The following PRDM16 variants were observed in gnomAD, a reference collection of about 807,000 sequenced individuals.
PRDM16 encodes the protein histone-lysine N-methyltransferase PRDM16.
Under a neutral mutation model 110.6 loss-of-function variants are expected in PRDM16, and 23 were observed. That is an observed-to-expected ratio of 0.21 (90% CI 0.15 to 0.29). The LOEUF is 0.29. Ranked by LOEUF, PRDM16 falls within the 10% of genes least tolerant of loss-of-function variation. The pLI, the probability that PRDM16 is intolerant of heterozygous loss-of-function variation, is 1.00. For missense variants in PRDM16, 1,615 were observed against 1,794.3 expected (o/e 0.90, Z 1.81); for synonymous variants, 799 against 781.8 (o/e 1.02, Z -0.37).
chr1:3,421,237 G>A (rs536447434), intron 12 of PRDM16, among the ~76,000 whole-genome samples: 88 of 152,208 alleles, frequency 5.8e-4, no homozygotes, highest in Non-Finnish European at 1.0e-3. Flanking sequence ...GAAGGATGCC[G>A]CTGCCCAGTG....
At chr1:3,292,994 G>A (rs1038141561) in intron 3 of PRDM16, among the ~76,000 whole-genome samples, 4 of 152,248 alleles carry the variant, frequency 2.6e-5, no homozygotes, top group Non-Finnish European at 5.9e-5. Context: ...GGACTCTTGA[G>A]GAGCCTCAGT....
intron 3 of PRDM16, among the ~76,000 whole-genome samples, chr1:3,269,765 G>T: frequency 6.6e-6 from 1 of 151,396 alleles, no homozygotes; most frequent in African/African-American, 2.4e-5. Context: ...AGTCCTGGAG[G>T]AGGACAGTCC....
rs141374404 is a variant in PRDM16 at position 3,402,977 on chromosome 1, G to A, written c.863G>A (p.Arg288Gln). Residue 288 changes from arginine (R) to glutamine (Q), a missense_variant, in exon 6 of 17, where the codon CGG (arginine) becomes CAG (glutamine). Transcript: ENST00000270722. ...GCCCACGAGTGCAAGGACTGCGAGC[G>A]GATGTTCCCCAACAAGTACAGGTGC... ...GQAHECKDCE[R>Q]MFPNKYSLEQ... 31 of 1,609,472 alleles carry A rather than the reference G, an allele frequency of 1.9e-5. No homozygotes were observed. The highest frequency in any genetic ancestry group is 1.7e-4 in the Middle Eastern group (1 of 5,784).
intron 3 of PRDM16, among the ~76,000 whole-genome samples, chr1:3,257,100 GCAAA>G (rs1411477344): frequency 6.6e-6 from 1 of 152,220 alleles, no homozygotes; most frequent in Non-Finnish European, 1.5e-5. Flanking sequence ...CTGGCCTGCA[GCAAA>G]CACTCAGTAA....
intron 3 of PRDM16, among the ~76,000 whole-genome samples, chr1:3,373,793 C>G (rs1338653056): frequency 2.6e-5 from 4 of 152,244 alleles, no homozygotes; most frequent in Non-Finnish European, 1.5e-5. Context: ...AGGAGCCCAG[C>G]CAACGCGTGC....
intron 3 of PRDM16, among the ~76,000 whole-genome samples, chr1:3,295,660 C>G (rs774257136): frequency 1.2e-3 from 178 of 152,234 alleles, no homozygotes; most frequent in Non-Finnish European, 4.8e-4. Context: ...GCTCTGAGGC[C>G]TGCACACCAC....
intron 1 of PRDM16, among the ~76,000 whole-genome samples, chr1:3,181,218 GCA>G (rs1189647263): frequency 7.1e-4 from 36 of 50,360 alleles, no homozygotes; most frequent in Admixed American, 1.1e-3. Context: ...TCTTACACAC[GCA>G]GTCTTACACA....
At chr1:3,250,436 C>A (rs72632116) in intron 3 of PRDM16, among the ~76,000 whole-genome samples, 2,622 of 152,174 alleles carry the variant, frequency 0.017, 34 homozygotes, top group Non-Finnish European at 0.026. Flanking sequence ...GGCTGGGTGA[C>A]AACTTTATCA....
chr1:3,118,395 T>C (rs560667048), intron 1 of PRDM16, among the ~76,000 whole-genome samples: 69 of 152,226 alleles, frequency 4.5e-4, no homozygotes, highest in African/African-American at 1.6e-3. Context: ...GTGACAGCCA[T>C]GGAGAGGGGC....
Position 3,438,270 on chromosome 1 carries a change from A to T in PRDM16, c.*4459A>T. The T allele has an allele frequency of 5.0e-6, 1 of 201,162 alleles. No homozygotes were observed. The allele number at this position is 201,162 out of a possible 1,614,324, so 12.5% of individuals were successfully genotyped here. ...TTTTATTAAAAGGAAAATTCTGTAG[A>T]TGCACTTATTGAATATGTGATTAGG... On this transcript the variant is annotated 3_prime_UTR_variant, in exon 17 of 17. Transcript: ENST00000270722.
intron 3 of PRDM16, among the ~76,000 whole-genome samples, chr1:3,357,951 A>G (rs1165228888): frequency 6.6e-6 from 1 of 152,172 alleles, no homozygotes; most frequent in Non-Finnish European, 1.5e-5. Context: ...GAAAGCACTG[A>G]CCCACACTGA....
At chr1:3,102,850 A>C (rs1642563668) in intron 1 of PRDM16, among the ~76,000 whole-genome samples, 1 of 152,200 alleles carries the variant, frequency 6.6e-6, no homozygotes, top group South Asian at 2.1e-4. Flanking sequence ...CCTGCTCCAG[A>C]GCAGATGCTC....
At chr1:3,104,824 C>T (rs929285445) in intron 1 of PRDM16, among the ~76,000 whole-genome samples, 3 of 152,154 alleles carry the variant, frequency 2.0e-5, no homozygotes, top group African/African-American at 7.2e-5. Flanking sequence ...GATGCTTCTG[C>T]TCCTCCCAGC....
intron 3 of PRDM16, among the ~76,000 whole-genome samples, chr1:3,315,593 G>C (rs1479361039): frequency 3.9e-5 from 6 of 152,106 alleles, no homozygotes; most frequent in Non-Finnish European, 8.8e-5. Context: ...CTTTTTTAAT[G>C]AGCCAAGAGA....
At position 3,157,350 on chromosome 1, in the gene PRDM16, A is replaced by T. The variant is rs1009793175; in HGVS notation, c.38-28775A>T. ...TTGTTGTGTTTACCGCATTTATTCT[A>T]TTGATTGACTGAATTTACAGCATTT... On this transcript the variant is annotated intron_variant, in intron 1 of 16. Coordinates refer to ENST00000270722, the MANE Select transcript of PRDM16 (RefSeq NM_022114.4). This position sits in a 1 kb window ranked among gnomAD's most constrained non-coding sequence, Gnocchi z 4.8. 6.7e-6 allele frequency among the ~76,000 whole-genome samples: 1 copy of T among 148,588 alleles called. No homozygotes were observed. Among genetic ancestry groups the T allele is most frequent in the South Asian group, 2.1e-4 (1 of 4,654 alleles).
chr1:3,339,157 C>A lies in PRDM16; in HGVS notation c.439-45995C>A, dbSNP rs934606932. On this transcript the variant is annotated intron_variant, in intron 3 of 16. Transcript: ENST00000270722. The surrounding 1 kb of genome is among the most constrained non-coding windows in gnomAD (Gnocchi z 5.0). ...GGTGCTCAGAGGCATCTCCTGCTCT[C>A]TCCTTCTGGAGGGCAGCTTCCTGGC... Among the ~76,000 whole-genome samples, 3 of 152,342 alleles carry A rather than the reference C, an allele frequency of 2.0e-5. No individual in the cohort carries two copies. The highest frequency in any genetic ancestry group is 7.2e-5 in the African/African-American group (3 of 41,590).
At chr1:3,178,174 A>C (rs1644110641) in intron 1 of PRDM16, among the ~76,000 whole-genome samples, 1 of 152,206 alleles carries the variant, frequency 6.6e-6, no homozygotes, top group Non-Finnish European at 1.5e-5. Flanking sequence ...TAAGACGGCA[A>C]GGGTTTGGTC....
At position 3,434,040 on chromosome 1, in the gene PRDM16, A is replaced by G. The variant is rs1417687813; in HGVS notation, c.*229A>G. 2.0e-6 allele frequency: 1 copy of G among 502,336 alleles called. No individual in the cohort carries two copies. The highest frequency in any genetic ancestry group is 1.9e-5 in the African/African-American group (1 of 51,304). The allele number at this position is 502,336 out of a possible 1,614,324, so 31.1% of individuals were successfully genotyped here. A position where few individuals can be genotyped will look rare whatever the true frequency, so the allele number is the denominator to read the frequency against. On this transcript the variant is annotated 3_prime_UTR_variant, in exon 17 of 17. Coordinates refer to ENST00000270722, the MANE Select transcript of PRDM16 (RefSeq NM_022114.4). ...AGGATTGGTCTTGAGAACACTGTTC[A>G]GTGACGGCCATGCAGGTGGCCGTCC...
chr1:3,170,412 C>G (rs1209458894), intron 1 of PRDM16, among the ~76,000 whole-genome samples: 1 of 152,068 alleles, frequency 6.6e-6, no homozygotes, highest in East Asian at 1.9e-4. Context: ...AGCCCCATCA[C>G]CATGTGGGTG....
Sources: gnomAD v4.1 joint callset for allele counts (sites outside exome capture counted in the v4.1 genomes callset) on GRCh38, gnomAD v4.1.1 for gene constraint, Gnocchi (gnomAD v3.1) non-coding constraint, MANE v1.5 for transcripts, NCBI Gene and HGNC (gene_info 2026-07-23, HGNC 2026-07-21) for gene names.